The following PLCB1 variants were observed in gnomAD, a reference collection of about 807,000 sequenced individuals.
The protein encoded by PLCB1 is phospholipase C beta 1.
PLCB1 carries 46 observed loss-of-function variants against 161.8 expected under a neutral mutation model. That is an observed-to-expected ratio of 0.28 (90% CI 0.22 to 0.36). The LOEUF (loss-of-function observed/expected upper bound fraction) is 0.36, where lower values mean the gene tolerates loss of function less well. PLCB1 is among the 10% of genes least tolerant of loss of function. The probability of loss-of-function intolerance (pLI) is 1.00; values close to 1 mark genes in which losing one functional copy is unlikely to be tolerated. For missense variants in PLCB1, 1,016 were observed against 1,472.5 expected (o/e 0.69, Z 5.07); for synonymous variants, 517 against 503.7 (o/e 1.03, Z -0.35).
chr20:8,589,995 C>T (rs999671388), intron 3 of PLCB1, among the ~76,000 whole-genome samples: 1 of 152,084 alleles, frequency 6.6e-6, no homozygotes, highest in East Asian at 1.9e-4. Context: ...CTCCCCAAGG[C>T]CCCTCCTCCT....
chr20:8,176,704 G>C (rs2051787286), intron 2 of PLCB1, among the ~76,000 whole-genome samples: 1 of 152,144 alleles, frequency 6.6e-6, no homozygotes, highest in South Asian at 2.1e-4. Flanking sequence ...CAATGTCCTG[G>C]TTGTGATATT....
intron 2 of PLCB1, among the ~76,000 whole-genome samples, chr20:8,338,595 A>G (rs1985675209): frequency 6.6e-6 from 1 of 152,184 alleles, no homozygotes; most frequent in African/African-American, 2.4e-5. Context: ...TCAGAACAAG[A>G]AAAGTTTTTT....
chr20:8,254,696 C>T lies in PLCB1; in HGVS notation c.177+104325C>T, dbSNP rs571406554. ...CTTATTAGGTTGAATTATTTTATAC[C>T]GCTACGAGGCACTTTTTGTTTAAAA... On this transcript the variant is annotated intron_variant, in intron 2 of 31. Coordinates refer to ENST00000338037, the MANE Select transcript of PLCB1 (RefSeq NM_015192.4). 9.2e-5 allele frequency among the ~76,000 whole-genome samples: 14 copies of T among 151,998 alleles called. No homozygotes were observed. The South Asian group carries it at 1.5e-3, about 16-fold the overall frequency.
chr20:8,158,889 T>C (rs2051591705), intron 2 of PLCB1, among the ~76,000 whole-genome samples: 2 of 152,194 alleles, frequency 1.3e-5, no homozygotes. Context: ...CTTGGGCAAC[T>C]CCGCCCCTGT....
chr20:8,374,594 T>C (rs1205351574), intron 3 of PLCB1, among the ~76,000 whole-genome samples: 1 of 152,138 alleles, frequency 6.6e-6, no homozygotes, highest in Non-Finnish European at 1.5e-5. Flanking sequence ...AGGATTACAG[T>C]ATAACTACCT....
At chr20:8,757,345 G>C (rs759367619) in intron 24 of PLCB1, among the ~76,000 whole-genome samples, 167 bp downstream of exon 24, 3 of 152,156 alleles carry the variant, frequency 2.0e-5, no homozygotes, top group Admixed American at 6.5e-5. Context: ...AGCCAGAAGA[G>C]AGTCATATGT....
chr20:8,875,616 G>A (rs1278646515), intron 31 of PLCB1, among the ~76,000 whole-genome samples: 1 of 150,414 alleles, frequency 6.6e-6, no homozygotes, highest in Non-Finnish European at 1.5e-5. Context: ...GACCTGAGTT[G>A]GACTCTGGAA....
At chr20:8,278,868 A>G (rs2719778) in intron 2 of PLCB1, among the ~76,000 whole-genome samples, 14,466 of 152,156 alleles carry the variant, frequency 0.095, 773 homozygotes, top group East Asian at 0.19. Context: ...ACCCTAGGAA[A>G]CAGGCATAAG....
intron 2 of PLCB1, among the ~76,000 whole-genome samples, chr20:8,215,829 T>C (rs1979092138): frequency 6.6e-6 from 1 of 151,842 alleles, no homozygotes; most frequent in African/African-American, 2.4e-5. Flanking sequence ...CAATCTGCCA[T>C]AATTTAAGTT....
In PLCB1 at chr20:8,488,675, C is replaced by T. The variant is rs3891301; in HGVS notation, c.246+117225C>T. 3.9e-5 allele frequency among the ~76,000 whole-genome samples: 6 copies of T among 151,942 alleles called. No individual in the cohort carries two copies. The East Asian group carries it at 1.2e-3, about 30-fold the overall frequency. On this transcript the variant is annotated intron_variant, in intron 3 of 31. Transcript: ENST00000338037. Reference sequence around the variant, plus strand: ...TAAGATTTACATTCCTAGACTCATTCGAATCATTTAAAACTTAATTGCTCT... The same window carrying T: ...TAAGATTTACATTCCTAGACTCATTTGAATCATTTAAAACTTAATTGCTCT...
chr20:8,626,228 AC>A (rs1988341882), intron 3 of PLCB1, among the ~76,000 whole-genome samples: 2 of 151,986 alleles, frequency 1.3e-5, no homozygotes, highest in South Asian at 4.2e-4. Flanking sequence ...TACTGGGGAA[AC>A]TTTTCAAACA....
At chr20:8,186,137 T>G (rs2123100033) in intron 2 of PLCB1, among the ~76,000 whole-genome samples, 1 of 152,328 alleles carries the variant, frequency 6.6e-6, no homozygotes, top group South Asian at 2.1e-4. Context: ...TGGTTTATAC[T>G]TTCTGATTTT....
In PLCB1 at chr20:8,727,195, A is replaced by G. The variant is rs1216496200; in HGVS notation, c.1679-114A>G. 6 of 549,734 alleles carry G rather than the reference A, an allele frequency of 1.1e-5. No homozygotes were observed. In the African/African-American group the frequency reaches 1.1e-4, roughly 11 times the overall value. 34.1% of individuals were successfully genotyped at this position (549,734 alleles called of 1,614,324 possible). On this transcript the variant is annotated intron_variant, in intron 16 of 31. Coordinates refer to ENST00000338037, the MANE Select transcript of PLCB1 (RefSeq NM_015192.4). The stretch of plus-strand genomic sequence containing the variant: ...AAATATTGAAATTACATTGAGGATT[A>G]TTTGCCCTCAACTTCACTGAATATT...
In PLCB1 at chr20:8,223,355, A is replaced by G. The variant is rs565957876; in HGVS notation, c.177+72984A>G. On this transcript the variant is annotated intron_variant, in intron 2 of 31. Transcript: ENST00000338037. ...AGACTCATTTTTACCATCACATTGG[A>G]TAATACCCTGCAAGCCAGCCCTTTG... 3.3e-4 allele frequency among the ~76,000 whole-genome samples: 50 copies of G among 152,262 alleles called. 1 individual carries two copies. In the South Asian group the frequency reaches 5.0e-3, roughly 15 times the overall value.
At chr20:8,467,855 CA>C (rs1422238500) in intron 3 of PLCB1, among the ~76,000 whole-genome samples, 2 of 152,178 alleles carry the variant, frequency 1.3e-5, no homozygotes, top group African/African-American at 4.8e-5. Context: ...AACTCAACCA[CA>C]TTGTCTAATA....
At chr20:8,669,229 G>A (rs1989887752) in intron 9 of PLCB1, among the ~76,000 whole-genome samples, 1 of 152,182 alleles carries the variant, frequency 6.6e-6, no homozygotes, top group Non-Finnish European at 1.5e-5. Context: ...TATGTGCGAG[G>A]GAAGCTTGAA....
chr20:8,310,316 T>C (rs1984339991), intron 2 of PLCB1, among the ~76,000 whole-genome samples: 2 of 152,228 alleles, frequency 1.3e-5, no homozygotes, highest in East Asian at 1.9e-4. Context: ...ATTTCACCAA[T>C]GAATACTACT....
chr20:8,567,986 T>C (rs1986393966), intron 3 of PLCB1, among the ~76,000 whole-genome samples: 1 of 152,220 alleles, frequency 6.6e-6, no homozygotes, highest in Non-Finnish European at 1.5e-5. Flanking sequence ...TCAGAAGTTC[T>C]AAAATGCAGT....
At chr20:8,776,226 G>A (rs1399810471) in intron 27 of PLCB1, among the ~76,000 whole-genome samples, 2 of 152,156 alleles carry the variant, frequency 1.3e-5, no homozygotes, top group Non-Finnish European at 2.9e-5. Context: ...AACCATTAGA[G>A]TTTGGTACTA....
Sources: allele counts gnomAD v4.1 joint callset (sites outside exome capture counted in the v4.1 genomes callset), GRCh38; gene constraint gnomAD v4.1.1; transcripts MANE v1.5; gene names NCBI Gene and HGNC (gene_info 2026-07-23, HGNC 2026-07-21).